C9orf72: variants seen among roughly 807,000 people sequenced by gnomAD.
C9orf72 encodes the protein guanine nucleotide exchange factor C9orf72.
Under a neutral mutation model 51.6 loss-of-function variants are expected in C9orf72, and 44 were observed. The observed-to-expected ratio is 0.85, with a 90% CI of 0.67 to 1.10. The LOEUF (loss-of-function observed/expected upper bound fraction) is 1.10. Ranked by LOEUF, C9orf72 falls within the 50% of genes least tolerant of loss-of-function variation. The pLI is 0.00. For synonymous variants in C9orf72, 213 were observed against 194.2 expected, an observed-to-expected ratio of 1.10 and a Z score of -0.81; for missense variants, 607 against 570.6, an observed-to-expected ratio of 1.06 and a Z score of -0.65.
At position 27,558,502 on chromosome 9, in the gene C9orf72, C is replaced by A; in HGVS notation, c.844G>T (p.Gly282Cys). ...ACTAGAAACTATACCTTTAGCAGGC[C>A]TTGTACAAAGAGCCCTGACTCATAT... ...FKYESGLFVQ[G>C]LLKDSTGSFV... The change falls in exon 7 of 11, where the codon GGC (glycine) becomes TGC (cysteine). Residue 282 changes from glycine (G) to cysteine (C), a missense_variant. Transcript: ENST00000380003. 1 of 1,572,042 alleles carries A rather than the reference C, an allele frequency of 6.4e-7. No homozygotes were observed. Among genetic ancestry groups the A allele is most frequent in the South Asian group, 1.1e-5 (1 of 87,492 alleles).
chr9:27,558,721 T>C (rs904753294), intron 6 of C9orf72, 114 bp from the exon 7 acceptor site: 5 of 592,784 alleles, frequency 8.4e-6, no homozygotes, highest in African/African-American at 5.7e-5. Context: ...TCCTAAGAAA[T>C]AAGTATTCTT....
intron 5 of C9orf72, chr9:27,560,733 T>C: frequency 1.0e-5 from 10 of 986,070 alleles, no homozygotes; most frequent in Non-Finnish European, 1.2e-5. Flanking sequence ...CTCATGCCTC[T>C]GATACTCCAT....
intron 3 of C9orf72, among the ~76,000 whole-genome samples, chr9:27,565,148 T>C (rs1430723650): frequency 3.3e-5 from 5 of 152,150 alleles, no homozygotes; most frequent in Admixed American, 2.0e-4. Flanking sequence ...CCCAGACAGA[T>C]ACCTCAGGGG....
intron 1 of C9orf72, among the ~76,000 whole-genome samples, chr9:27,572,297 C>G (rs1337984624): frequency 6.6e-6 from 1 of 152,104 alleles, no homozygotes; most frequent in Non-Finnish European, 1.5e-5. Context: ...AGTGGCAGGC[C>G]TTGGCAGAGG....
At position 27,565,567 on chromosome 9, in the gene C9orf72, C is replaced by G. The variant is rs770077991; in HGVS notation, c.468G>C (p.Lys156Asn). 82 of 1,605,922 alleles carry G rather than the reference C, an allele frequency of 5.1e-5. No homozygotes were observed. The highest frequency in any genetic ancestry group is 1.0e-4 in the Admixed American group (6 of 59,678). The change falls in exon 3 of 11, where the codon AAG (lysine) becomes AAC (asparagine). Residue 156 changes from lysine (K) to asparagine (N), a missense_variant. By Grantham distance (94) the Lys-to-Asn change is moderately conservative (BLOSUM62 0). Coordinates refer to ENST00000380003, the MANE Select transcript of C9orf72 (RefSeq NM_018325.5). Reference protein sequence around the residue: ...MHKERQENVQKIILEGTERME... With the variant: ...MHKERQENVQNIILEGTERME... ...TTCTCTCTGTGCCTTCTAAGATAAT[C>G]TTCTGGACATTTTCTTGTCTTTCCT...
At chr9:27,553,177 T>C (rs1197095035) in intron 8 of C9orf72, among the ~76,000 whole-genome samples, 2 of 152,148 alleles carry the variant, frequency 1.3e-5, no homozygotes, top group African/African-American at 4.8e-5. Flanking sequence ...GCTATTCCTA[T>C]AAACTACCAA....
At chr9:27,572,058 A>G (rs1819598189) in intron 1 of C9orf72, among the ~76,000 whole-genome samples, 1 of 152,250 alleles carries the variant, frequency 6.6e-6, no homozygotes, top group Non-Finnish European at 1.5e-5. Flanking sequence ...GGCAGACTTG[A>G]AAAACAGAAG....
Position 27,548,351 on chromosome 9 carries a change from T to C in C9orf72, c.1331A>G (p.Asp444Gly), listed in dbSNP as rs1242270433. Residue 444 changes from aspartate (D) to glycine (G), a missense_variant, in exon 11 of 11, where the codon GAT becomes GGT. Asp to Gly is a moderately conservative substitution (Grantham distance 94). Transcript: ENST00000380003. Reference sequence around the variant, plus strand: ...AGCCAGAGCCATTATTATGTTAAGATCGCCCTCTGCTGTTAAATCAAGGTC... The same window carrying C: ...AGCCAGAGCCATTATTATGTTAAGACCGCCCTCTGCTGTTAAATCAAGGTC... ...KIDLDLTAEGDLNIIMALAEK... is the reference protein window; with the variant it reads ...KIDLDLTAEGGLNIIMALAEK... 6.2e-7 allele frequency: 1 copy of C among 1,603,182 alleles called. No individual in the cohort carries two copies. The highest frequency in any genetic ancestry group is 8.5e-7 in the Non-Finnish European group (1 of 1,176,394).
rs541545224 is a variant in C9orf72, at chr9:27,569,841, T to C, written c.-44-2677A>G. Reference sequence around the variant, plus strand: ...ACCTATCTTTGCCATATGATTGCTTTGGGAGCTAACATTTGATCTGTAAAT... The same window carrying C: ...ACCTATCTTTGCCATATGATTGCTTCGGGAGCTAACATTTGATCTGTAAAT... On this transcript the variant is annotated intron_variant, in intron 1 of 10. Coordinates refer to ENST00000380003, the MANE Select transcript of C9orf72 (RefSeq NM_018325.5). Among the ~76,000 whole-genome samples the C allele has an allele frequency of 2.6e-5, 4 of 152,368 alleles. No homozygotes were observed. In the South Asian group the frequency reaches 8.3e-4, roughly 32 times the overall value.
At chr9:27,572,023 T>G (rs1037691233) in intron 1 of C9orf72, among the ~76,000 whole-genome samples, 1 of 152,228 alleles carries the variant, frequency 6.6e-6, no homozygotes, top group African/African-American at 2.4e-5. Flanking sequence ...GGGAACTATC[T>G]AATTAACGTA....
intron 8 of C9orf72, chr9:27,554,460 G>A: frequency 2.5e-6 from 1 of 396,368 alleles, no homozygotes; most frequent in Non-Finnish European, 4.4e-6. Context: ...ACACAAAGAA[G>A]GAAACAGCAA....
chr9:27,568,981 G>A (rs191744238), intron 1 of C9orf72, among the ~76,000 whole-genome samples: 56 of 152,132 alleles, frequency 3.7e-4, no homozygotes, highest in African/African-American at 1.3e-3. Context: ...TGTGGAGGTG[G>A]AAGGCAGTGA....
intron 3 of C9orf72, among the ~76,000 whole-genome samples, chr9:27,564,906 C>T (rs551064060): frequency 4.5e-4 from 68 of 152,170 alleles, no homozygotes; most frequent in African/African-American, 1.4e-3. Flanking sequence ...ACTTAGTTTC[C>T]GCAGGGGAAG....
At chr9:27,561,829 T>C (rs1819357713) in intron 4 of C9orf72, among the ~76,000 whole-genome samples, 180 bp from the exon 5 acceptor site, 1 of 151,966 alleles carries the variant, frequency 6.6e-6, no homozygotes, top group South Asian at 2.1e-4. Context: ...GAAGAACAAA[T>C]GTGAAAGCTG....
In C9orf72 at chr9:27,566,766, T is replaced by C. The variant is rs1407836422; in HGVS notation, c.355A>G (p.Thr119Ala). 2.3e-5 allele frequency: 37 copies of C among 1,613,694 alleles called. No homozygotes were observed. Among genetic ancestry groups the C allele is most frequent in the Non-Finnish European group, 3.1e-5 (37 of 1,179,770 alleles). The change falls in exon 2 of 11, where the codon ACA (threonine) becomes GCA (alanine). Residue 119 changes from threonine to alanine, a missense_variant. Thr to Ala is a moderately conservative substitution (Grantham distance 58). Transcript: ENST00000380003. ...TYGLSIILPQ[T>A]ELSFYLPLHR... ...AGTGGGAGGTAGAAACTAAGTTCTG[T>C]CTGTGGAAGTATAATTGATAGTCCA... is the stretch of plus-strand genomic sequence containing the variant.
At chr9:27,550,269 C>A (rs1820880034) in intron 9 of C9orf72, among the ~76,000 whole-genome samples, 1 of 151,144 alleles carries the variant, frequency 6.6e-6, no homozygotes, top group African/African-American at 2.4e-5. Flanking sequence ...TATATTATAT[C>A]TGTAAAAGCT....
Position 27,548,616 on chromosome 9 carries a change from CTG to C in C9orf72, c.1198_1199del (p.Gln400ValfsTer28), listed in dbSNP as rs778862260. Reference sequence around the variant, plus strand: ...CTTTTCTGTGAAGGACAAGTAGAAACTGTGCAAGGAAAGTACTTCTGAGAGAT... The same window carrying C: ...CTTTTCTGTGAAGGACAAGTAGAAACTGCAAGGAAAGTACTTCTGAGAGAT... Reference protein sequence around the residue: ...GLSLRSTFLAQFLLVLHRKAL... With the variant: ...GLSLRSTFLAXFLLVLHRKAL... On this transcript the variant is annotated frameshift_variant, in exon 10 of 11. Transcript: ENST00000380003. LOFTEE classifies it high-confidence loss of function. 4.3e-6 allele frequency: 7 copies of C among 1,613,024 alleles called. No homozygotes were observed. The highest frequency in any genetic ancestry group is 2.2e-5 in the South Asian group (2 of 91,058).
intron 7 of C9orf72, among the ~76,000 whole-genome samples, chr9:27,557,814 A>T (rs1819240497): frequency 6.6e-6 from 1 of 151,884 alleles, no homozygotes; most frequent in African/African-American, 2.4e-5. Context: ...ACAATTTTTA[A>T]ATTTTTTTAT....
intron 1 of C9orf72, among the ~76,000 whole-genome samples, chr9:27,567,804 G>A (rs536504458): frequency 1.3e-5 from 2 of 152,104 alleles, no homozygotes; most frequent in Non-Finnish European, 2.9e-5. Flanking sequence ...ACAGCCATGT[G>A]AAGACAAAAG....
Sources: allele counts gnomAD v4.1 joint callset (sites outside exome capture counted in the v4.1 genomes callset), GRCh38; gene constraint gnomAD v4.1.1; transcripts MANE v1.5; gene names NCBI Gene and HGNC (gene_info 2026-07-23, HGNC 2026-07-21).